TRAPPC9: variants seen among roughly 807,000 people sequenced by gnomAD.
TRAPPC9 encodes the protein IKK2 binding protein.
A neutral mutation model predicts 124.0 loss-of-function variants in TRAPPC9; 83 were observed. That is an observed-to-expected ratio of 0.67 (90% CI 0.56 to 0.80). The LOEUF (loss-of-function observed/expected upper bound fraction) is 0.80. TRAPPC9 is among the 30% of genes least tolerant of loss of function. TRAPPC9 has a pLI of 0.00. For missense variants in TRAPPC9, 1,302 were observed against 1,508.3 expected, an observed-to-expected ratio of 0.86 and a Z score of 2.27; for synonymous variants, 638 against 617.5, an observed-to-expected ratio of 1.03 and a Z score of -0.49.
intron 17 of TRAPPC9, among the ~76,000 whole-genome samples, chr8:140,193,622 GAAAAAAAA>G (rs72383095): frequency 1.3e-5 from 1 of 77,334 alleles, no homozygotes; most frequent in Non-Finnish European, 2.4e-5. Flanking sequence ...TGTACTTTCA[GAAAAAAAA>G]AAAAAAAAAA....
At chr8:139,889,149 C>T (rs1227946917) in intron 20 of TRAPPC9, among the ~76,000 whole-genome samples, 1 of 152,202 alleles carries the variant, frequency 6.6e-6, no homozygotes, top group Non-Finnish European at 1.5e-5. Context: ...CATGCTACAA[C>T]ATGGATGAAC....
At chr8:140,333,154 TGAAAA>T (rs1484924159) in intron 9 of TRAPPC9, among the ~76,000 whole-genome samples, 3 of 147,862 alleles carry the variant, frequency 2.0e-5, no homozygotes, top group African/African-American at 7.4e-5. Flanking sequence ...AAGAAAAGAA[TGAAAA>T]GAAAGAAAGC....
intron 19 of TRAPPC9, chr8:139,916,527 G>A (rs2290927): frequency 5.3e-5 from 8 of 152,354 alleles, no homozygotes; most frequent in East Asian, 3.9e-4. Flanking sequence ...CTCGGAACGC[G>A]GCACTCCGCG....
At chr8:140,208,110 G>A (rs1043537430) in intron 17 of TRAPPC9, among the ~76,000 whole-genome samples, 10 of 150,426 alleles carry the variant, frequency 6.6e-5, no homozygotes, top group South Asian at 2.1e-4. Flanking sequence ...AGATCGCACC[G>A]TTGCACTCCA....
chr8:140,246,227 GCTCTCTAATCA>G (rs2063984337), intron 16 of TRAPPC9, among the ~76,000 whole-genome samples: 1 of 152,142 alleles, frequency 6.6e-6, no homozygotes, highest in African/African-American at 2.4e-5. Flanking sequence ...CAACCTCAAT[GCTCTCTAATCA>G]CTCCTTTGCT....
intron 21 of TRAPPC9, among the ~76,000 whole-genome samples, chr8:139,864,858 T>C (rs1432196619): frequency 2.6e-5 from 4 of 152,184 alleles, no homozygotes; most frequent in Non-Finnish European, 5.9e-5. Context: ...CCTGCACCGA[T>C]GTGGACACAT....
At position 140,353,455 on chromosome 8, in the gene TRAPPC9, AC is replaced by A. The variant is rs2067645996; in HGVS notation, c.1495+6594del. Among the ~76,000 whole-genome samples the A allele has an allele frequency of 6.6e-6, 1 of 152,136 alleles. No individual in the cohort carries two copies. Among genetic ancestry groups the A allele is most frequent in the Admixed American group, 6.5e-5 (1 of 15,276 alleles). On this transcript the variant is annotated intron_variant, in intron 9 of 22. Transcript: ENST00000438773. The surrounding 1 kb of genome is among the most constrained non-coding windows in gnomAD (Gnocchi z 4.2). Reference sequence around the variant, plus strand: ...AGTAGCAGAGCCTACATATGGTTGAACCTTACTCGCTCACCTGGGGCTTTTG... The same window carrying A: ...AGTAGCAGAGCCTACATATGGTTGAACTTACTCGCTCACCTGGGGCTTTTG...
chr8:140,303,253 G>C (rs915664559), intron 10 of TRAPPC9, among the ~76,000 whole-genome samples: 6 of 152,120 alleles, frequency 3.9e-5, no homozygotes, highest in Non-Finnish European at 7.3e-5. Flanking sequence ...GGTTGAAGGA[G>C]CTCAATGTTA....
chr8:139,915,538 C>T (rs1832068413), intron 19 of TRAPPC9, among the ~76,000 whole-genome samples: 1 of 152,204 alleles, frequency 6.6e-6, no homozygotes, highest in Admixed American at 6.5e-5. Context: ...TGAGCCACCA[C>T]GCCAGCCTTG....
chr8:139,856,007 T>C (rs187262634), intron 21 of TRAPPC9, among the ~76,000 whole-genome samples: 1 of 152,308 alleles, frequency 6.6e-6, no homozygotes, highest in East Asian at 1.9e-4. Context: ...CTTGAGCAAG[T>C]TCCCCAACTC....
intron 3 of TRAPPC9, 102 bp downstream of exon 3, chr8:140,438,950 A>G: frequency 2.0e-6 from 3 of 1,502,362 alleles, no homozygotes; most frequent in South Asian, 2.3e-5. Context: ...GTAGCCTCCC[A>G]AAGTGCTGGG....
At chr8:140,410,602 G>A (rs535685941) in intron 5 of TRAPPC9, among the ~76,000 whole-genome samples, 4 of 152,278 alleles carry the variant, frequency 2.6e-5, no homozygotes, top group South Asian at 2.1e-4. Flanking sequence ...CCAGCACTTC[G>A]GAAGGCCGAG....
chr8:139,767,305 C>T (rs1820644670), intron 21 of TRAPPC9, among the ~76,000 whole-genome samples: 1 of 152,248 alleles, frequency 6.6e-6, no homozygotes, highest in Non-Finnish European at 1.5e-5. Flanking sequence ...CCCACTCTGC[C>T]TGTGTTTTCT....
chr8:140,329,560 G>A (rs1012440918), intron 9 of TRAPPC9, among the ~76,000 whole-genome samples: 2 of 152,190 alleles, frequency 1.3e-5, no homozygotes, highest in Non-Finnish European at 2.9e-5. Context: ...TAGCCCCACT[G>A]TAGGGAAGAG....
intron 10 of TRAPPC9, among the ~76,000 whole-genome samples, chr8:140,301,436 T>C (rs983004449): frequency 6.6e-6 from 1 of 152,214 alleles, no homozygotes; most frequent in African/African-American, 2.4e-5. Flanking sequence ...ATGTCATCAA[T>C]AAGGAAACTC....
chr8:140,156,768 C>T (rs1005282532), intron 17 of TRAPPC9, among the ~76,000 whole-genome samples: 1 of 152,140 alleles, frequency 6.6e-6, no homozygotes, highest in Non-Finnish European at 1.5e-5. Flanking sequence ...TGAGGGCTGT[C>T]AGAGGAGCTG....
intron 16 of TRAPPC9, among the ~76,000 whole-genome samples, chr8:140,237,103 C>A (rs1385843781): frequency 6.6e-6 from 1 of 152,040 alleles, no homozygotes; most frequent in Non-Finnish European, 1.5e-5. Flanking sequence ...ATCACTTGAG[C>A]CTGGGAGGTG....
intron 17 of TRAPPC9, among the ~76,000 whole-genome samples, chr8:140,180,787 T>C (rs2062184416): frequency 6.6e-6 from 1 of 152,104 alleles, no homozygotes; most frequent in African/African-American, 2.4e-5. Context: ...TCCCATGTAA[T>C]TTGTGGCTTT....
intron 5 of TRAPPC9, among the ~76,000 whole-genome samples, chr8:140,419,158 G>C (rs1935825393): frequency 6.6e-6 from 1 of 152,202 alleles, no homozygotes; most frequent in African/African-American, 2.4e-5. Flanking sequence ...GCCGGGCGCG[G>C]TGACTCGCGC....
Sources: allele counts gnomAD v4.1 joint callset (sites outside exome capture counted in the v4.1 genomes callset), GRCh38; gene constraint gnomAD v4.1.1; non-coding constraint Gnocchi (gnomAD v3.1); transcripts MANE v1.5; gene names NCBI Gene and HGNC (gene_info 2026-07-23, HGNC 2026-07-21).